SYNJ1: variants seen among roughly 807,000 people sequenced by gnomAD.
The protein encoded by SYNJ1 is synaptojanin 1, also known as polyphosphatidylinositol phosphatase SYNJ1.
A neutral mutation model predicts 168.2 loss-of-function variants in SYNJ1; 78 were observed. The ratio of observed to expected loss-of-function variants is 0.46; its 90% CI spans 0.39 to 0.56. The LOEUF (loss-of-function observed/expected upper bound fraction) is 0.56. Ranked by LOEUF, SYNJ1 falls within the 20% of genes least tolerant of loss-of-function variation. The probability of loss-of-function intolerance (pLI) is 0.00; values close to 1 mark genes in which losing one functional copy is unlikely to be tolerated. For missense variants in SYNJ1, 1,303 were observed against 1,597.6 expected (o/e 0.82, Z 3.14); for synonymous variants, 539 against 548.6 (o/e 0.98, Z 0.24).
intron 24 of SYNJ1, 152 bp downstream of exon 24, chr21:32,646,241 T>C: frequency 1.3e-6 from 1 of 749,606 alleles, no homozygotes; most frequent in Non-Finnish European, 2.2e-6. Context: ...TTCCTTTCCA[T>C]TGAGAGCTTA....
At position 32,708,605 on chromosome 21, in the gene SYNJ1, C is replaced by T. The variant is rs114434003; in HGVS notation, c.125-6558G>A. ...ACCGCATTAGTTCACATGCTGAACACATAAGCTAAAGCAAATTCCAACTTC... is the reference window on the plus strand; with the variant it reads ...ACCGCATTAGTTCACATGCTGAACATATAAGCTAAAGCAAATTCCAACTTC... On this transcript the variant is annotated intron_variant, in intron 2 of 32. Coordinates refer to ENST00000674351, the MANE Select transcript of SYNJ1 (RefSeq NM_203446.3). Among the ~76,000 whole-genome samples, 226 of 152,350 alleles carry T rather than the reference C, an allele frequency of 1.5e-3. 1 individual carries two copies. Among genetic ancestry groups the T allele is most frequent in the African/African-American group, 5.1e-3 (210 of 41,578 alleles).
intron 10 of SYNJ1, among the ~76,000 whole-genome samples, chr21:32,682,788 G>C (rs573177120): frequency 2.8e-4 from 43 of 152,154 alleles, no homozygotes; most frequent in African/African-American, 9.6e-4. Context: ...TTGATGAAGA[G>C]GTCCAAGTAC....
intron 2 of SYNJ1, among the ~76,000 whole-genome samples, chr21:32,711,375 C>A (rs1422904443): frequency 6.6e-6 from 1 of 151,608 alleles, no homozygotes; most frequent in Non-Finnish European, 1.5e-5. Flanking sequence ...GTTCTGTCGC[C>A]AGGCTGGAGT....
At chr21:32,702,560 T>A (rs2042444286) in intron 2 of SYNJ1, among the ~76,000 whole-genome samples, 2 of 152,112 alleles carry the variant, frequency 1.3e-5, no homozygotes. Flanking sequence ...AAAAATCAAA[T>A]CCTGAAACGT....
At chr21:32,668,294 C>T (rs2041033927) in intron 15 of SYNJ1, among the ~76,000 whole-genome samples, 1 of 152,132 alleles carries the variant, frequency 6.6e-6, no homozygotes, top group Non-Finnish European at 1.5e-5. Context: ...TCTCAAACTC[C>T]TGACCTCAAG....
In SYNJ1 at chr21:32,653,284, T is replaced by A; in HGVS notation, c.2874+4A>T. On this transcript the variant is annotated splice_donor_region_variant and intron_variant, in intron 22 of 32. Transcript: ENST00000674351. ...TGGTTTAGAATCAACAAATGCTACCTTACCTCTTTACCATTTAGGCTCAGA... is the reference window on the plus strand; with the variant it reads ...TGGTTTAGAATCAACAAATGCTACCATACCTCTTTACCATTTAGGCTCAGA... The A allele has an allele frequency of 1.2e-6, 2 of 1,610,730 alleles. No individual in the cohort carries two copies. The highest frequency in any genetic ancestry group is 1.7e-6 in the Non-Finnish European group (2 of 1,177,330).
intron 2 of SYNJ1, among the ~76,000 whole-genome samples, chr21:32,720,481 T>C (rs530679093): frequency 9.2e-5 from 14 of 152,140 alleles, no homozygotes; most frequent in Non-Finnish European, 1.8e-4. Flanking sequence ...TTATATTGAG[T>C]ATTATATATA....
Position 32,687,845 on chromosome 21 carries a change from C to T in SYNJ1, c.851+461G>A, listed in dbSNP as rs942389526. Among the ~76,000 whole-genome samples the T allele has an allele frequency of 2.0e-5, 3 of 152,270 alleles. No individual in the cohort carries two copies. In the East Asian group the frequency reaches 5.8e-4, roughly 29 times the overall value. On this transcript the variant is annotated intron_variant, in intron 7 of 32. Coordinates refer to ENST00000674351, the MANE Select transcript of SYNJ1 (RefSeq NM_203446.3). ...TGATGACTTTTCATAAGCATGGGTT[C>T]CACATGGCCGACTGTGGGACTTGAG...
intron 23 of SYNJ1, among the ~76,000 whole-genome samples, chr21:32,647,092 C>T (rs1476993620): frequency 6.6e-6 from 1 of 152,202 alleles, no homozygotes; most frequent in Admixed American, 6.5e-5. Context: ...TAAGTAAACA[C>T]TGGTTCTCCC....
Position 32,657,122 on chromosome 21 carries a change from T to G in SYNJ1, c.2462-2A>C. 1 of 1,569,404 alleles carries G rather than the reference T, an allele frequency of 6.4e-7. No individual in the cohort carries two copies. The highest frequency in any genetic ancestry group is 2.2e-5 in the East Asian group (1 of 44,628). The stretch of plus-strand genomic sequence containing the variant: ...CATTTAGAAGATCTAGATCTTCAGC[T>G]GCAGTCAGAAGAAATGAAAACACAA... On this transcript the variant is annotated splice_acceptor_variant, in intron 19 of 32. Coordinates refer to ENST00000674351, the MANE Select transcript of SYNJ1 (RefSeq NM_203446.3). LOFTEE classifies it high-confidence loss of function.
intron 2 of SYNJ1, among the ~76,000 whole-genome samples, chr21:32,714,409 A>G (rs1016253914): frequency 1.3e-5 from 2 of 152,186 alleles, no homozygotes; most frequent in Admixed American, 6.5e-5. Flanking sequence ...GTAGAAGCAG[A>G]GGGACCAGTT....
chr21:32,666,136 C>T lies in SYNJ1; in HGVS notation c.1953-1G>A. On this transcript the variant is annotated splice_acceptor_variant, in intron 16 of 32. Coordinates refer to ENST00000674351, the MANE Select transcript of SYNJ1 (RefSeq NM_203446.3). LOFTEE classifies it high-confidence loss of function. ...CTTCACAGTATCAACTGCAACATCC[C>T]TTTGAAACAAAGAATTCTAAATCGC... 1 of 1,583,826 alleles carries T rather than the reference C, an allele frequency of 6.3e-7. No homozygotes were observed. Among genetic ancestry groups the T allele is most frequent in the South Asian group, 1.2e-5 (1 of 86,314 alleles).
Position 32,629,744 on chromosome 21 carries a change from T to C in SYNJ1, c.*2061A>G, listed in dbSNP as rs747372323. 3 of 152,326 alleles carry C rather than the reference T, an allele frequency of 2.0e-5. No individual in the cohort carries two copies. The highest frequency in any genetic ancestry group is 2.9e-5 in the Non-Finnish European group (2 of 68,036). 9.4% of individuals were successfully genotyped at this position (152,326 alleles called of 1,614,324 possible). ...GGAGTTTTCTGATTGGTTTACTTAA[T>C]GATATCAAAATACTACATTCTGTAA... On this transcript the variant is annotated 3_prime_UTR_variant, in exon 33 of 33. Coordinates refer to ENST00000674351, the MANE Select transcript of SYNJ1 (RefSeq NM_203446.3).
rs779766895 is a variant in SYNJ1 at position 32,641,903 on chromosome 21, G to C, written c.3581C>G (p.Ala1194Gly). ...AGPGPAGYST[A>G]RPTIPPRAGV... The stretch of plus-strand genomic sequence containing the variant: ...AGGCGAGGTTTTACCTACCGGTCTG[G>C]CTGTACTGTATCCAGCAGGTCCTGG... The change falls in exon 29 of 33, where the codon GCC becomes GGC. Residue 1194 changes from alanine (A) to glycine (G), a missense_variant. Ala to Gly is a moderately conservative substitution (Grantham distance 60). Coordinates refer to ENST00000674351, the MANE Select transcript of SYNJ1 (RefSeq NM_203446.3). 7 of 1,611,574 alleles carry C rather than the reference G, an allele frequency of 4.3e-6. No individual in the cohort carries two copies. In the African/African-American group the frequency reaches 9.4e-5, roughly 22 times the overall value.
chr21:32,650,213 G>A lies in SYNJ1; in HGVS notation c.3008C>T (p.Ala1003Val). ...STSSTLLGED[A>V]EVAADFDMEG... is the part of the protein sequence containing the mutation. ...CATATCAAAATCTGCTGCAACCTCT[G>A]CATCTTCACCAAGCAGGGTAGAGCT... is the stretch of plus-strand genomic sequence containing the variant. Residue 1003 changes from alanine (A) to valine (V), a missense_variant, in exon 23 of 33, where the codon GCA becomes GTA. Ala to Val is a moderately conservative substitution (Grantham distance 64, BLOSUM62 0). This residue lies in a region of SYNJ1 where 920 missense variants were observed against 1,208.8 expected (regional missense o/e 0.76). Transcript: ENST00000674351. 1 of 1,609,378 alleles carries A rather than the reference G, an allele frequency of 6.2e-7. No homozygotes were observed.
intron 18 of SYNJ1, among the ~76,000 whole-genome samples, chr21:32,664,298 G>C (rs1038177577): frequency 1.3e-4 from 20 of 152,254 alleles, no homozygotes; most frequent in East Asian, 7.7e-4. Flanking sequence ...GTTCTCAAAG[G>C]GGGGAATAAG....
chr21:32,672,407 T>G (rs1051145767), intron 14 of SYNJ1, among the ~76,000 whole-genome samples: 13 of 152,114 alleles, frequency 8.5e-5, no homozygotes, highest in Admixed American at 2.6e-4. Context: ...TGGTGGGATC[T>G]CCGCTCACTG....
intron 29 of SYNJ1, 29 bp from the exon 30 acceptor site, chr21:32,639,808 C>T (rs1477051108): frequency 6.4e-7 from 1 of 1,568,632 alleles, no homozygotes; most frequent in Non-Finnish European, 8.8e-7. Context: ...ACACTTGAGA[C>T]ATTTACTTAC....
intron 21 of SYNJ1, among the ~76,000 whole-genome samples, chr21:32,655,514 G>T (rs2040422454): frequency 6.6e-6 from 1 of 152,206 alleles, no homozygotes; most frequent in South Asian, 2.1e-4. Context: ...AGGTGTCTTT[G>T]ATTTTCACTC....
Sources: gnomAD v4.1 joint callset for allele counts (sites outside exome capture counted in the v4.1 genomes callset) on GRCh38, gnomAD v4.1.1 for gene constraint, gnomAD v4.1.1 regional missense constraint, MANE v1.5 for transcripts, NCBI Gene and HGNC (gene_info 2026-07-23, HGNC 2026-07-21) for gene names.